Variants in KLF12 observed in about 807,000 individuals in gnomAD.
The protein encoded by KLF12 is KLF transcription factor 12.
Under a neutral mutation model 37.8 loss-of-function variants are expected in KLF12, and 9 were observed. That is an observed-to-expected ratio of 0.24 (90% confidence interval 0.14 to 0.42). The LOEUF is 0.42. Among genes scored for constraint, KLF12 ranks in the 10% least tolerant of loss-of-function variants. KLF12 has a pLI of 1.00. For missense variants in KLF12, 411 were observed against 516.0 expected (o/e 0.80, Z 1.97); for synonymous variants, 208 against 202.1 (o/e 1.03, Z -0.25).
At chr13:73,766,075 C>T (rs1403615350) in intron 5 of KLF12, among the ~76,000 whole-genome samples, 3 of 152,206 alleles carry the variant, frequency 2.0e-5, no homozygotes, top group Non-Finnish European at 4.4e-5. Context: ...ACTCGGAAGG[C>T]TTATTTCTTC....
the KLF12 span, among the ~76,000 whole-genome samples, chr13:74,160,332 A>C: frequency 1.4e-4 from 22 of 152,198 alleles, no homozygotes; most frequent in South Asian, 2.1e-4. Context: ...TAAAATATCC[A>C]TCTACCAGGT....
Position 73,691,001 on chromosome 13 carries a change from T to G in KLF12, c.*4489A>C, listed in dbSNP as rs1873790766. 1 of 152,632 alleles carries G rather than the reference T, an allele frequency of 6.6e-6. No homozygotes were observed. The highest frequency in any genetic ancestry group is 2.1e-4 in the South Asian group (1 of 4,828). 9.5% of individuals were successfully genotyped at this position (152,632 alleles called of 1,614,324 possible). On this transcript the variant is annotated 3_prime_UTR_variant, in exon 8 of 8. Transcript: ENST00000377669. ...AGACATTATAATGAAACTGTGAAAA[T>G]ATAGCAATTTTTATGTACATTTCTT... is the stretch of plus-strand genomic sequence containing the variant.
rs1202716868 is a variant in KLF12, at chr13:73,688,692, G to A, written c.*6798C>T. ...CTTCATGCATGATTTTCCGGGAAAGGCCTGATTTCAAATATTCAGTACCAT... is the reference window on the plus strand; with the variant it reads ...CTTCATGCATGATTTTCCGGGAAAGACCTGATTTCAAATATTCAGTACCAT... On this transcript the variant is annotated 3_prime_UTR_variant, in exon 8 of 8. Coordinates refer to ENST00000377669, the MANE Select transcript of KLF12 (RefSeq NM_007249.5). 6.6e-6 allele frequency: 1 copy of A among 152,134 alleles called. No homozygotes were observed. Among genetic ancestry groups the A allele is most frequent in the Non-Finnish European group, 1.5e-5 (1 of 68,018 alleles). The allele number at this position is 152,134 out of a possible 1,614,324, so 9.4% of individuals were successfully genotyped here.
At chr13:74,007,402 G>C (rs567951696) in intron 1 of KLF12, among the ~76,000 whole-genome samples, 21 of 150,902 alleles carry the variant, frequency 1.4e-4, no homozygotes, top group South Asian at 8.5e-4. Flanking sequence ...CTCAGTCTCA[G>C]CTGGGACCAC....
intron 1 of KLF12, among the ~76,000 whole-genome samples, chr13:74,020,324 G>C (rs1009463313): frequency 2.8e-4 from 43 of 152,124 alleles, no homozygotes; most frequent in African/African-American, 1.0e-3. Context: ...CTGTGCTGAA[G>C]AAAGAAAACG....
At chr13:73,864,836 A>T (rs1306793176) in intron 3 of KLF12, among the ~76,000 whole-genome samples, 6 of 152,138 alleles carry the variant, frequency 3.9e-5, no homozygotes, top group Admixed American at 3.9e-4. Context: ...AAAAGACCAT[A>T]AAAATAAGAA....
At chr13:73,978,413 A>C (rs1309995717) in intron 2 of KLF12, among the ~76,000 whole-genome samples, 3 of 152,194 alleles carry the variant, frequency 2.0e-5, no homozygotes, top group African/African-American at 7.2e-5. Flanking sequence ...CAACGATACA[A>C]CACCACGCTC....
At chr13:73,868,041 A>G (rs1478362887) in intron 3 of KLF12, among the ~76,000 whole-genome samples, 1 of 149,704 alleles carries the variant, frequency 6.7e-6, no homozygotes, top group African/African-American at 2.5e-5. Context: ...AAAAAAGAAA[A>G]AAAAAATGCT....
the KLF12 span, among the ~76,000 whole-genome samples, chr13:74,300,109 A>G: frequency 2.0e-5 from 3 of 152,170 alleles, no homozygotes; most frequent in Non-Finnish European, 4.4e-5. Flanking sequence ...GGCATCTTTA[A>G]AAAAATTCAG....
chr13:73,766,586 C>T (rs1209978193), intron 5 of KLF12, among the ~76,000 whole-genome samples: 1 of 152,168 alleles, frequency 6.6e-6, no homozygotes, highest in Non-Finnish European at 1.5e-5. Context: ...TTCTCCTGAA[C>T]TTTCCCTATA....
At chr13:74,171,866 T>G in the KLF12 span, among the ~76,000 whole-genome samples, 1 of 152,216 alleles carries the variant, frequency 6.6e-6, no homozygotes, top group African/African-American at 2.4e-5. Flanking sequence ...GCAATATAGT[T>G]AGTGTATAAT....
chr13:73,757,283 T>C (rs1879238122), intron 6 of KLF12, among the ~76,000 whole-genome samples: 1 of 152,168 alleles, frequency 6.6e-6, no homozygotes, highest in South Asian at 2.1e-4. Flanking sequence ...GTAAAACAGC[T>C]GTGACAAAAC....
chr13:73,773,370 A>C (rs1414878929), intron 5 of KLF12, among the ~76,000 whole-genome samples: 1 of 152,172 alleles, frequency 6.6e-6, no homozygotes, highest in Non-Finnish European at 1.5e-5. Flanking sequence ...TGATCTCATG[A>C]CCAACGTCAG....
rs1873512944 is a variant in KLF12 at position 73,686,659 on chromosome 13, G to A, written c.*8831C>T. ...GGGGGCTTTATCCTTTAATGTGTAG[G>A]ACCTCCTCTGGGCACTCTTAACTCC... On this transcript the variant is annotated 3_prime_UTR_variant, in exon 8 of 8. Coordinates refer to ENST00000377669, the MANE Select transcript of KLF12 (RefSeq NM_007249.5). The A allele has an allele frequency of 6.6e-6, 1 of 152,376 alleles. No homozygotes were observed. Among genetic ancestry groups the A allele is most frequent in the Non-Finnish European group, 1.5e-5 (1 of 68,024 alleles). The allele number at this position is 152,376 out of a possible 1,614,324, so 9.4% of individuals were successfully genotyped here.
rs568174401 is a variant in KLF12 at position 73,890,398 on chromosome 13, C to T, written c.124-44025G>A. ...CAGCCAAAATAACAGACATTGATAT[C>T]AGGATTATCCCACGAAAGAAATAAT... On this transcript the variant is annotated intron_variant, in intron 3 of 7. Coordinates refer to ENST00000377669, the MANE Select transcript of KLF12 (RefSeq NM_007249.5). Among the ~76,000 whole-genome samples, 7 of 152,202 alleles carry T rather than the reference C, an allele frequency of 4.6e-5. No individual in the cohort carries two copies. The East Asian group carries it at 1.2e-3, about 25-fold the overall frequency.
chr13:73,805,345 T>A (rs1215347391), intron 5 of KLF12, among the ~76,000 whole-genome samples: 2 of 152,030 alleles, frequency 1.3e-5, no homozygotes, highest in African/African-American at 4.8e-5. Context: ...TAATGCTGGA[T>A]GTGGTGGCTC....
chr13:74,002,357 T>A (rs1447108577), intron 1 of KLF12, among the ~76,000 whole-genome samples: 2 of 152,248 alleles, frequency 1.3e-5, no homozygotes. Flanking sequence ...AATTATTTTC[T>A]TATTTATTTA....
At chr13:73,973,903 T>C (rs1434047895) in intron 2 of KLF12, among the ~76,000 whole-genome samples, 3 of 151,846 alleles carry the variant, frequency 2.0e-5, no homozygotes, top group African/African-American at 7.3e-5. Context: ...AACAGAAAGA[T>C]GTCACCAAGC....
the KLF12 span, among the ~76,000 whole-genome samples, chr13:74,190,222 A>G: frequency 6.6e-6 from 1 of 152,162 alleles, no homozygotes; most frequent in Non-Finnish European, 1.5e-5. Context: ...CTTCCGTGAC[A>G]ACAACACACC....
Sources: gnomAD v4.1 joint callset for allele counts (sites outside exome capture counted in the v4.1 genomes callset) on GRCh38, gnomAD v4.1.1 for gene constraint, MANE v1.5 for transcripts, NCBI Gene and HGNC (gene_info 2026-07-23, HGNC 2026-07-21) for gene names.